The following CD302 variants were observed in gnomAD, a reference collection of about 807,000 sequenced individuals.
CD302 encodes CD302 antigen.
In CD302, 23 loss-of-function variants were observed where a neutral mutation model predicts 26.5. The observed-to-expected ratio is 0.87, with a 90% CI of 0.62 to 1.23. CD302 has a LOEUF of 1.23. Among genes scored for constraint, CD302 ranks in the 50% most tolerant of loss-of-function variants. The probability of loss-of-function intolerance (pLI) is 0.00; values close to 1 mark genes in which losing one functional copy is unlikely to be tolerated. For synonymous variants in CD302, 90 were observed against 99.4 expected, an observed-to-expected ratio of 0.91 and a Z score of 0.56; for missense variants, 290 against 275.5, an observed-to-expected ratio of 1.05 and a Z score of -0.37.
chr2:159,780,783 G>T, intron 3 of CD302, 99 bp downstream of exon 3: 1 of 1,107,786 alleles, frequency 9.0e-7, no homozygotes, highest in Non-Finnish European at 1.4e-6. Context: ...GGAGGCCACA[G>T]GAATCATCAA....
At position 159,770,008 on chromosome 2, in the gene CD302, G is replaced by A. The variant is rs1708084245; in HGVS notation, c.*1843C>T. On this transcript the variant is annotated 3_prime_UTR_variant, in exon 6 of 6. Transcript: ENST00000259053. ...TGTGGCTAGTGGCTCATTGGACATTGTAGTTGTAGACGTTTGAGACTGTTG... is the reference window on the plus strand; with the variant it reads ...TGTGGCTAGTGGCTCATTGGACATTATAGTTGTAGACGTTTGAGACTGTTG... 6.6e-6 allele frequency: 1 copy of A among 152,186 alleles called. No homozygotes were observed. Among genetic ancestry groups the A allele is most frequent in the African/African-American group, 2.4e-5 (1 of 41,450 alleles). 9.4% of individuals were successfully genotyped at this position (152,186 alleles called of 1,614,324 possible).
intron 5 of CD302, among the ~76,000 whole-genome samples, chr2:159,776,452 A>G (rs1560042086): frequency 6.6e-6 from 1 of 152,038 alleles, no homozygotes; most frequent in Non-Finnish European, 1.5e-5. Context: ...TAATTCTTTT[A>G]ATAATTTTTT....
chr2:159,784,992 T>G (rs1708628816), intron 1 of CD302, among the ~76,000 whole-genome samples: 2 of 121,416 alleles, frequency 1.6e-5, no homozygotes, highest in Non-Finnish European at 3.5e-5. Flanking sequence ...TTTTTTTTTT[T>G]GAGACAGAGT....
intron 1 of CD302, among the ~76,000 whole-genome samples, chr2:159,789,953 T>C (rs1014930257): frequency 2.6e-4 from 39 of 149,272 alleles, no homozygotes; most frequent in Non-Finnish European, 1.6e-4. Flanking sequence ...CAAATACGAT[T>C]CTTATGGAAT....
At chr2:159,786,842 T>G (rs1708679908) in intron 1 of CD302, among the ~76,000 whole-genome samples, 1 of 152,186 alleles carries the variant, frequency 6.6e-6, no homozygotes, top group Non-Finnish European at 1.5e-5. Context: ...CATATAATTA[T>G]CAGAGGAATG....
intron 1 of CD302, among the ~76,000 whole-genome samples, chr2:159,785,704 G>A (rs984402090): frequency 1.3e-5 from 2 of 152,172 alleles, no homozygotes; most frequent in Non-Finnish European, 2.9e-5. Flanking sequence ...TCAGAGAAAA[G>A]ACTCTTCTTC....
Position 159,782,426 on chromosome 2 carries a change from A to AAAG in CD302, c.178+932_178+933insCTT, listed in dbSNP as rs1708543842. Among the ~76,000 whole-genome samples the AAAG allele has an allele frequency of 2.0e-5, 3 of 150,750 alleles. No individual in the cohort carries two copies. The South Asian group carries it at 6.3e-4, about 31-fold the overall frequency. On this transcript the variant is annotated intron_variant, in intron 2 of 5. Transcript: ENST00000259053. ...AGACTCCATCTCACAAAAAAAAAAAAAAAAAAAAAAAAAGACATTTTTTTG... is the reference window on the plus strand; with the variant it reads ...AGACTCCATCTCACAAAAAAAAAAAAAAGAAAAAAAAAAAAAGACATTTTTTTG...
rs570442879 is a variant in CD302, at chr2:159,776,841, G to C, written c.496+1097C>G. On this transcript the variant is annotated intron_variant, in intron 5 of 5. Coordinates refer to ENST00000259053, the MANE Select transcript of CD302 (RefSeq NM_014880.5). ...CTGCCTCAACCTCCCAAGTAGCCGG[G>C]ATTACAGGCGCCCGCCACCGTGCCC... Among the ~76,000 whole-genome samples, 59 of 151,900 alleles carry C rather than the reference G, an allele frequency of 3.9e-4. 1 individual carries two copies. Among genetic ancestry groups the C allele is most frequent in the Admixed American group, 6.6e-4 (10 of 15,254 alleles).
intron 1 of CD302, among the ~76,000 whole-genome samples, chr2:159,789,558 GT>G (rs5835764): frequency 0.53 from 77,958 of 147,028 alleles, 21,637 homozygotes; most frequent in African/African-American, 0.72. Flanking sequence ...CCTTAGGCCT[GT>G]TTTTTTTTTT....
rs1049814947 is a variant in CD302 at position 159,771,375 on chromosome 2, T to C, written c.*476A>G. The C allele has an allele frequency of 6.5e-6, 1 of 152,834 alleles. No homozygotes were observed. The highest frequency in any genetic ancestry group is 2.4e-5 in the African/African-American group (1 of 41,448). The allele number at this position is 152,834 out of a possible 1,614,324, so 9.5% of individuals were successfully genotyped here. A position where few individuals can be genotyped will look rare whatever the true frequency, so the allele number is the denominator to read the frequency against. On this transcript the variant is annotated 3_prime_UTR_variant, in exon 6 of 6. Transcript: ENST00000259053. ...TAAAAGTTGTAAAATTTTCTTCATCTAAATCATAAAAAGATACACATTCTA... is the reference window on the plus strand; with the variant it reads ...TAAAAGTTGTAAAATTTTCTTCATCCAAATCATAAAAAGATACACATTCTA...
chr2:159,771,807 G>T lies in CD302; in HGVS notation c.*44C>A, dbSNP rs752576820. 2 of 1,597,936 alleles carry T rather than the reference G, an allele frequency of 1.3e-6. No individual in the cohort carries two copies. Among genetic ancestry groups the T allele is most frequent in the Admixed American group, 3.4e-5 (2 of 59,648 alleles). Reference sequence around the variant, plus strand: ...TTAAAATCTTTCCCAAGTTATCTCTGCCAGGGCATTTTGTTGATGTCTTAG... The same window carrying T: ...TTAAAATCTTTCCCAAGTTATCTCTTCCAGGGCATTTTGTTGATGTCTTAG... On this transcript the variant is annotated 3_prime_UTR_variant, in exon 6 of 6. Transcript: ENST00000259053.
Position 159,770,767 on chromosome 2 carries a change from T to C in CD302, c.*1084A>G, listed in dbSNP as rs1708119076. 6.6e-6 allele frequency: 1 copy of C among 152,162 alleles called. No homozygotes were observed. Among genetic ancestry groups the C allele is most frequent in the African/African-American group, 2.4e-5 (1 of 41,428 alleles). 9.4% of individuals were successfully genotyped at this position (152,162 alleles called of 1,614,324 possible). Reference sequence around the variant, plus strand: ...TGTAGGTTTGGGACAAAATAGGCTCTACCATCTGGGTTTGTGTAAATACAA... The same window carrying C: ...TGTAGGTTTGGGACAAAATAGGCTCCACCATCTGGGTTTGTGTAAATACAA... On this transcript the variant is annotated 3_prime_UTR_variant, in exon 6 of 6. Transcript: ENST00000259053.
intron 1 of CD302, among the ~76,000 whole-genome samples, chr2:159,792,356 T>C (rs1447705193): frequency 6.6e-6 from 1 of 152,122 alleles, no homozygotes; most frequent in Non-Finnish European, 1.5e-5. Flanking sequence ...CACACTGTCT[T>C]ATTTCCATAC....
Position 159,770,519 on chromosome 2 carries a change from A to G in CD302, c.*1332T>C, listed in dbSNP as rs187802665. 26 of 152,298 alleles carry G rather than the reference A, an allele frequency of 1.7e-4. No individual in the cohort carries two copies. Among genetic ancestry groups the G allele is most frequent in the African/African-American group, 4.3e-4 (18 of 41,570 alleles). The allele number at this position is 152,298 out of a possible 1,614,324, so 9.4% of individuals were successfully genotyped here. Reference sequence around the variant, plus strand: ...AGCTAGTGAGATAGTATATCTATCTATCTCCCCAGAAGAAAGTAAGATAAT... The same window carrying G: ...AGCTAGTGAGATAGTATATCTATCTGTCTCCCCAGAAGAAAGTAAGATAAT... On this transcript the variant is annotated 3_prime_UTR_variant, in exon 6 of 6. Coordinates refer to ENST00000259053, the MANE Select transcript of CD302 (RefSeq NM_014880.5).
rs927995526 is a variant in CD302, at chr2:159,798,193, G to A, written c.6C>T (p.Leu2=). Residue 2 remains leucine (L), a synonymous_variant, in exon 1 of 6, where the codon CTC becomes CTT. Coordinates refer to ENST00000259053, the MANE Select transcript of CD302 (RefSeq NM_014880.5). M[L]RAALPALLLP... Reference sequence around the variant, plus strand: ...GCAGGAGCGCGGGCAGCGCGGCCCGGAGCATGACGGCGGGTGCGGGTGGGC... The same window carrying A: ...GCAGGAGCGCGGGCAGCGCGGCCCGAAGCATGACGGCGGGTGCGGGTGGGC... The A allele has an allele frequency of 2.7e-5, 39 of 1,452,766 alleles. No homozygotes were observed. The highest frequency in any genetic ancestry group is 3.3e-5 in the Non-Finnish European group (37 of 1,106,206). The allele number at this position is 1,452,766 out of a possible 1,614,324, so 90.0% of individuals were successfully genotyped here.
intron 1 of CD302, among the ~76,000 whole-genome samples, chr2:159,790,535 A>T (rs910962410): frequency 6.6e-6 from 1 of 152,210 alleles, no homozygotes; most frequent in East Asian, 1.9e-4. Flanking sequence ...CAGAGGACAC[A>T]GAAGTCATTT....
intron 2 of CD302, 98 bp downstream of exon 2, chr2:159,783,261 G>T: frequency 1.0e-6 from 1 of 983,714 alleles, no homozygotes; most frequent in Non-Finnish European, 1.4e-6. Flanking sequence ...TCAGGACCCA[G>T]TTAAAAGTCA....
In CD302 at chr2:159,770,766, C is replaced by T. The variant is rs1708118942; in HGVS notation, c.*1085G>A. ...GTGTAGGTTTGGGACAAAATAGGCT[C>T]TACCATCTGGGTTTGTGTAAATACA... On this transcript the variant is annotated 3_prime_UTR_variant, in exon 6 of 6. Transcript: ENST00000259053. The T allele has an allele frequency of 6.6e-6, 1 of 152,158 alleles. No homozygotes were observed. Among genetic ancestry groups the T allele is most frequent in the African/African-American group, 2.4e-5 (1 of 41,444 alleles). 9.4% of individuals were successfully genotyped at this position (152,158 alleles called of 1,614,324 possible).
intron 1 of CD302, among the ~76,000 whole-genome samples, chr2:159,790,254 G>C (rs1286984081): frequency 6.6e-6 from 1 of 152,184 alleles, no homozygotes; most frequent in Non-Finnish European, 1.5e-5. Context: ...TAGGTAAAAT[G>C]CTATGAGATG....
Sources: allele counts gnomAD v4.1 joint callset (sites outside exome capture counted in the v4.1 genomes callset), GRCh38; gene constraint gnomAD v4.1.1; transcripts MANE v1.5; gene names NCBI Gene and HGNC (gene_info 2026-07-23, HGNC 2026-07-21).